The following TASOR2 variants were observed in gnomAD, a reference collection of about 807,000 sequenced individuals.
TASOR2 encodes protein TASOR 2.
Under a neutral mutation model 199.5 loss-of-function variants are expected in TASOR2, and 84 were observed. That is an observed-to-expected ratio of 0.42 (90% CI 0.35 to 0.50). The LOEUF (loss-of-function observed/expected upper bound fraction) is 0.50. Among genes scored for constraint, TASOR2 ranks in the 20% least tolerant of loss-of-function variants. The probability of loss-of-function intolerance (pLI) is 0.02; values close to 1 mark genes in which losing one functional copy is unlikely to be tolerated. For synonymous variants in TASOR2, 1,103 were observed against 1,046.6 expected, an observed-to-expected ratio of 1.05 and a Z score of -1.04; for missense variants, 2,796 against 2,835.9, an observed-to-expected ratio of 0.99 and a Z score of 0.32.
chr10:5,735,975 T>C (rs1434738237), intron 12 of TASOR2, among the ~76,000 whole-genome samples: 49 of 152,138 alleles, frequency 3.2e-4, no homozygotes, highest in Non-Finnish European at 5.9e-5. Flanking sequence ...CTGTATTTAG[T>C]TTTATTTATT....
exon 9 of TASOR2, chr10:5,726,895 A>C (rs1834119117): frequency 1.2e-6 from 2 of 1,613,886 alleles, no homozygotes; most frequent in Admixed American, 3.3e-5. Flanking sequence ...GCAATCATCA[A>C]ATGCTTAGAA....
exon 19 of TASOR2, chr10:5,761,332 A>G: frequency 1.2e-6 from 2 of 1,614,048 alleles, no homozygotes; most frequent in Non-Finnish European, 1.7e-6. Context: ...TGTTGAAGTC[A>G]TTTCAGAGTG....
At chr10:5,746,181 A>G in exon 15 of TASOR2, 1 of 1,518,802 alleles carries the variant, frequency 6.6e-7, no homozygotes, top group Non-Finnish European at 8.8e-7. Flanking sequence ...CGTTTCAGGT[A>G]ACTGGGGAAG....
At chr10:5,724,862 A>G (rs907313821) in intron 8 of TASOR2, among the ~76,000 whole-genome samples, 3 of 151,944 alleles carry the variant, frequency 2.0e-5, no homozygotes, top group African/African-American at 4.8e-5. Flanking sequence ...CATACTTATG[A>G]TAAAGTTTAA....
chr10:5,756,176 T>G (rs1474121329), intron 15 of TASOR2, among the ~76,000 whole-genome samples: 6 of 152,194 alleles, frequency 3.9e-5, no homozygotes, highest in Admixed American at 1.3e-4. Flanking sequence ...CCTGTCTTAT[T>G]CTGAGACGTA....
chr10:5,703,805 G>C (rs996998131), intron 1 of TASOR2, among the ~76,000 whole-genome samples: 2 of 151,948 alleles, frequency 1.3e-5, no homozygotes, highest in Non-Finnish European at 2.9e-5. Flanking sequence ...CCCGGCCTCT[G>C]ATGTTTTTAT....
exon 12 of TASOR2, chr10:5,735,482 A>G: frequency 6.2e-7 from 1 of 1,614,204 alleles, no homozygotes; most frequent in African/African-American, 1.3e-5. Flanking sequence ...AATCTCCACA[A>G]AAACAGAGAG....
rs199815183 is a variant in TASOR2, at chr10:5,742,459, C to T, written c.2690C>T (p.Thr897Ile). Residue 897 changes from threonine to isoleucine, a missense_variant, in exon 14 of 21, where the codon ACT (threonine) becomes ATT (isoleucine). Transcript: ENST00000328090. This position sits in a 1 kb window ranked among gnomAD's most constrained non-coding sequence, Gnocchi z 4.2. ...TGTGTACAAAATGAACAGAAAAAAA[C>T]TTTTGCAAGAGAGTGTGATCCAGAC... is the stretch of plus-strand genomic sequence containing the variant. 3.7e-6 allele frequency: 6 copies of T among 1,613,980 alleles called. No individual in the cohort carries two copies. In the South Asian group the frequency reaches 6.6e-5, roughly 18 times the overall value.
rs373310752 is a variant in TASOR2 at position 5,747,768 on chromosome 10, A to G, written c.4347A>G (p.Thr1449=). Reference sequence around the variant, plus strand: ...GTGAGTCAGAAGACTTAGGCATAACAGAAAAAGAAAATGTTTTTGTTGGTC... The same window carrying G: ...GTGAGTCAGAAGACTTAGGCATAACGGAAAAAGAAAATGTTTTTGTTGGTC... Residue 1449 remains threonine, a synonymous_variant, in exon 15 of 21, where the codon ACA becomes ACG. Coordinates refer to ENST00000328090, the Ensembl canonical transcript of TASOR2. 12 of 1,614,030 alleles carry G rather than the reference A, an allele frequency of 7.4e-6. No individual in the cohort carries two copies. In the African/African-American group the frequency reaches 1.5e-4, roughly 20 times the overall value.
intron 18 of TASOR2, among the ~76,000 whole-genome samples, chr10:5,759,527 T>A (rs931856445): frequency 1.3e-5 from 2 of 152,208 alleles, no homozygotes; most frequent in Admixed American, 6.5e-5. Flanking sequence ...CAGGACCAAT[T>A]GGAAAAGCAG....
chr10:5,692,650 G>A (rs1836582351), intron 1 of TASOR2, among the ~76,000 whole-genome samples: 1 of 152,134 alleles, frequency 6.6e-6, no homozygotes. Context: ...AGCCCTGTTG[G>A]CTGTACGGGC....
In TASOR2 at chr10:5,749,396, ATG is replaced by A. The variant is rs778711850; in HGVS notation, c.5976_5977del (p.Asn1992LysfsTer33). The A allele has an allele frequency of 1.2e-6, 2 of 1,614,236 alleles. No homozygotes were observed. The highest frequency in any genetic ancestry group is 1.7e-6 in the Non-Finnish European group (2 of 1,180,024). ...CATAAACTAAAACAGACCATAAAGA[ATG>A]GGGATTCTCAGCATTCTGCCTCCTC... On this transcript the variant is annotated frameshift_variant, in exon 15 of 21. Transcript: ENST00000328090. LOFTEE classifies it high-confidence loss of function.
At chr10:5,702,933 A>G (rs904980627) in intron 1 of TASOR2, among the ~76,000 whole-genome samples, 1 of 152,222 alleles carries the variant, frequency 6.6e-6, no homozygotes, top group African/African-American at 2.4e-5. Context: ...GAAACATTCA[A>G]TACCAGAAAA....
At position 5,752,363 on chromosome 10, in the gene TASOR2, A is replaced by G. The variant is rs1190861507; in HGVS notation, c.6606+2336A>G. Reference sequence around the variant, plus strand: ...GAGGTCTTTGCTCAGGAAGTGCTGCAGCACAGAAAGCAGAGCATAGGGGCC... The same window carrying G: ...GAGGTCTTTGCTCAGGAAGTGCTGCGGCACAGAAAGCAGAGCATAGGGGCC... On this transcript the variant is annotated intron_variant, in intron 15 of 20. Coordinates refer to ENST00000328090, the Ensembl canonical transcript of TASOR2. The surrounding 1 kb of genome is among the most constrained non-coding windows in gnomAD (Gnocchi z 4.4). 6.6e-6 allele frequency among the ~76,000 whole-genome samples: 1 copy of G among 152,206 alleles called. No individual in the cohort carries two copies. The highest frequency in any genetic ancestry group is 1.5e-5 in the Non-Finnish European group (1 of 68,026).
chr10:5,692,503 G>A (rs1836560640), intron 1 of TASOR2, among the ~76,000 whole-genome samples: 1 of 152,142 alleles, frequency 6.6e-6, no homozygotes, highest in Non-Finnish European at 1.5e-5. Flanking sequence ...TTGCTGTCCT[G>A]TGCTCCGTTC....
rs765543784 is a variant in TASOR2, at chr10:5,747,162, T to C, written c.3741T>C (p.Thr1247=). 12 of 1,613,978 alleles carry C rather than the reference T, an allele frequency of 7.4e-6. No individual in the cohort carries two copies. The East Asian group carries it at 2.4e-4, about 33-fold the overall frequency. ...AGAATCACAAGAATGGTCCAAACAC[T>C]GAAAATATGAATTTGGAAGCGTTTG... is the stretch of plus-strand genomic sequence containing the variant. Residue 1247 remains threonine (T), a synonymous_variant, in exon 15 of 21, where the codon ACT becomes ACC. Transcript: ENST00000328090.
chr10:5,761,497 G>C (rs552231413), intron 19 of TASOR2, 26 bp downstream of exon 20: 1 of 1,600,252 alleles, frequency 6.2e-7, no homozygotes, highest in East Asian at 2.2e-5. Flanking sequence ...ATTTTACTCA[G>C]TTAATGCCAA....
chr10:5,720,398 G>A lies in TASOR2; in HGVS notation c.-99-146G>A. 1 of 1,379,856 alleles carries A rather than the reference G, an allele frequency of 7.2e-7. No homozygotes were observed. 85.5% of individuals were successfully genotyped at this position (1,379,856 alleles called of 1,614,324 possible). On this transcript the variant is annotated intron_variant, in intron 3 of 20. Coordinates refer to ENST00000328090, the Ensembl canonical transcript of TASOR2. This position sits in a 1 kb window ranked among gnomAD's most constrained non-coding sequence, Gnocchi z 5.3. ...TTTTCGTGCCTTTGAACTGAGTCAG[G>A]TATAGTTACCTGTGAATGAGTAACA...
At chr10:5,702,624 C>T (rs1838009813) in intron 1 of TASOR2, among the ~76,000 whole-genome samples, 1 of 134,062 alleles carries the variant, frequency 7.5e-6, no homozygotes, top group Admixed American at 8.0e-5. Context: ...GATCTCATTA[C>T]TAAAATGGTC....
Sources: allele counts gnomAD v4.1 joint callset (sites outside exome capture counted in the v4.1 genomes callset), GRCh38; gene constraint gnomAD v4.1.1; non-coding constraint Gnocchi (gnomAD v3.1); transcripts MANE v1.5; gene names NCBI Gene and HGNC (gene_info 2026-07-23, HGNC 2026-07-21).